CENPP: variants seen among roughly 807,000 people sequenced by gnomAD.
The protein encoded by CENPP is centromere protein P.
CENPP carries 24 observed loss-of-function variants against 35.6 expected under a neutral mutation model. That is an observed-to-expected ratio of 0.67 (90% CI 0.49 to 0.95). CENPP has a LOEUF of 0.95. CENPP is among the 40% of genes least tolerant of loss of function. The pLI is 0.00. For missense variants in CENPP, 332 were observed against 345.3 expected (o/e 0.96, Z 0.31); for synonymous variants, 120 against 125.5 (o/e 0.96, Z 0.29).
intron 5 of CENPP, among the ~76,000 whole-genome samples, chr9:92,442,169 G>A (rs192450764): frequency 1.9e-4 from 29 of 151,656 alleles, no homozygotes; most frequent in African/African-American, 3.4e-4. Context: ...AGGCCAAGGC[G>A]GGCAAATCTC....
Position 92,618,945 on chromosome 9 carries a change from T to C in CENPP, c.*5796T>C, listed in dbSNP as rs1208822978. Reference sequence around the variant, plus strand: ...GTCTAACGACTATGAGATTATCAGTTTCATCCCGAATTCCCAGAAACAGAG... The same window carrying C: ...GTCTAACGACTATGAGATTATCAGTCTCATCCCGAATTCCCAGAAACAGAG... On this transcript the variant is annotated 3_prime_UTR_variant, in exon 8 of 8. Transcript: ENST00000375587. The C allele has an allele frequency of 6.1e-5, 17 of 278,242 alleles. No homozygotes were observed. Among genetic ancestry groups the C allele is most frequent in the Non-Finnish European group, 1.2e-4 (17 of 143,048 alleles). 17.2% of individuals were successfully genotyped at this position (278,242 alleles called of 1,614,324 possible).
chr9:92,493,104 T>C (rs1232522479), intron 5 of CENPP, among the ~76,000 whole-genome samples: 2 of 152,200 alleles, frequency 1.3e-5, no homozygotes, highest in East Asian at 3.9e-4. Context: ...CTGCATGTTC[T>C]TGATGGATTT....
At chr9:92,527,566 T>G (rs982743763) in intron 5 of CENPP, among the ~76,000 whole-genome samples, 1 of 152,210 alleles carries the variant, frequency 6.6e-6, no homozygotes, top group African/African-American at 2.4e-5. Context: ...GATATCCAGA[T>G]TCTTAGAAGT....
intron 5 of CENPP, among the ~76,000 whole-genome samples, chr9:92,601,060 T>C (rs745502294): frequency 6.6e-6 from 1 of 152,198 alleles, no homozygotes; most frequent in Non-Finnish European, 1.5e-5. Context: ...TCGCTAGGTC[T>C]GTGTTTGCGT....
Position 92,617,459 on chromosome 9 carries a change from A to G in CENPP, c.*4310A>G, listed in dbSNP as rs1588327863. 6.5e-6 allele frequency: 1 copy of G among 152,782 alleles called. No homozygotes were observed. Among genetic ancestry groups the G allele is most frequent in the Non-Finnish European group, 1.5e-5 (1 of 68,506 alleles). 9.5% of individuals were successfully genotyped at this position (152,782 alleles called of 1,614,324 possible). A position where few individuals can be genotyped will look rare whatever the true frequency, so the allele number is the denominator to read the frequency against. ...AGCTCCATGGGAACCAATGGCAGTG[A>G]CCAGCGGGCACCAGCTCCTGACACA... On this transcript the variant is annotated 3_prime_UTR_variant, in exon 8 of 8. Transcript: ENST00000375587.
intron 5 of CENPP, among the ~76,000 whole-genome samples, chr9:92,547,968 A>C (rs1366933032): frequency 5.3e-5 from 8 of 152,344 alleles, no homozygotes; most frequent in African/African-American, 1.9e-4. Flanking sequence ...ATGGGAAAAA[A>C]GAAGTAAAGG....
chr9:92,550,135 C>A (rs562180308), intron 5 of CENPP, among the ~76,000 whole-genome samples: 1 of 152,156 alleles, frequency 6.6e-6, no homozygotes, highest in African/African-American at 2.4e-5. Flanking sequence ...TGGTGGCTCA[C>A]GCCTACAATC....
intron 5 of CENPP, chr9:92,600,217 C>A: frequency 8.1e-7 from 1 of 1,232,490 alleles, no homozygotes; most frequent in Non-Finnish European, 1.1e-6. Context: ...AGGTTCCATA[C>A]AAGAACAGAA....
intron 5 of CENPP, among the ~76,000 whole-genome samples, chr9:92,453,396 G>A (rs921243188): frequency 6.6e-6 from 1 of 152,168 alleles, no homozygotes; most frequent in Non-Finnish European, 1.5e-5. Flanking sequence ...CAGTTTCCAT[G>A]TAGTTGAGCG....
intron 4 of CENPP, among the ~76,000 whole-genome samples, chr9:92,347,882 T>C (rs978298121): frequency 1.1e-4 from 16 of 152,188 alleles, no homozygotes; most frequent in African/African-American, 3.9e-4. Flanking sequence ...CCTTAGACTG[T>C]CAATTATTTT....
At chr9:92,389,988 G>A in intron 5 of CENPP, 1 of 1,610,640 alleles carries the variant, frequency 6.2e-7, no homozygotes, top group Non-Finnish European at 8.5e-7. Flanking sequence ...AACAGAGAAA[G>A]TTTTGAAAAA....
chr9:92,556,352 T>A (rs1849724181), intron 5 of CENPP, among the ~76,000 whole-genome samples: 1 of 152,348 alleles, frequency 6.6e-6, no homozygotes, highest in South Asian at 2.1e-4. Context: ...TTGAATAGAA[T>A]GTGTATTCTG....
intron 5 of CENPP, among the ~76,000 whole-genome samples, chr9:92,571,137 G>A (rs1850127398): frequency 6.6e-6 from 1 of 152,038 alleles, no homozygotes; most frequent in South Asian, 2.1e-4. Flanking sequence ...GAATGTGTTT[G>A]CTCTTGCTTC....
At chr9:92,543,801 G>A (rs948400161) in intron 5 of CENPP, among the ~76,000 whole-genome samples, 15 of 152,034 alleles carry the variant, frequency 9.9e-5, no homozygotes, top group Admixed American at 9.2e-4. Flanking sequence ...TTGTTATTAC[G>A]TATCTATTGT....
intron 5 of CENPP, among the ~76,000 whole-genome samples, chr9:92,558,920 CG>C (rs1849785304): frequency 6.6e-6 from 1 of 151,914 alleles, no homozygotes; most frequent in Non-Finnish European, 1.5e-5. Flanking sequence ...TGGGGAAAGC[CG>C]GCAGTCACAG....
At chr9:92,400,302 A>G (rs1418631880) in intron 5 of CENPP, among the ~76,000 whole-genome samples, 1 of 152,134 alleles carries the variant, frequency 6.6e-6, no homozygotes, top group African/African-American at 2.4e-5. Flanking sequence ...GGCACCTGCC[A>G]CCACGCCTGG....
chr9:92,487,705 G>C (rs1477366318), intron 5 of CENPP, among the ~76,000 whole-genome samples: 2 of 152,160 alleles, frequency 1.3e-5, no homozygotes, highest in African/African-American at 4.8e-5. Context: ...ACCTATATAT[G>C]GTGGCACACA....
At chr9:92,377,032 CAAA>C (rs1333487031) in intron 4 of CENPP, among the ~76,000 whole-genome samples, 1 of 121,768 alleles carries the variant, frequency 8.2e-6, no homozygotes, top group Admixed American at 8.5e-5. Context: ...GACTTAGTCT[CAAA>C]AAAAAAAAAA....
At chr9:92,577,911 C>T (rs1029150646) in intron 5 of CENPP, among the ~76,000 whole-genome samples, 10 of 151,218 alleles carry the variant, frequency 6.6e-5, no homozygotes, top group African/African-American at 2.4e-4. Context: ...AACTCATCAT[C>T]TACCATTAGG....
Sources: allele counts gnomAD v4.1 joint callset (sites outside exome capture counted in the v4.1 genomes callset), GRCh38; gene constraint gnomAD v4.1.1; transcripts MANE v1.5; gene names NCBI Gene and HGNC (gene_info 2026-07-23, HGNC 2026-07-21).